CNTNAP2: variants seen among roughly 807,000 people sequenced by gnomAD.
The protein encoded by CNTNAP2 is contactin-associated protein-like 2.
A neutral mutation model predicts 155.2 loss-of-function variants in CNTNAP2; 98 were observed. The observed-to-expected ratio is 0.63, with a 90% confidence interval of 0.54 to 0.75. The LOEUF is 0.75. CNTNAP2 is among the 30% of genes least tolerant of loss of function. The pLI, the probability that CNTNAP2 is intolerant of heterozygous loss-of-function variation, is 0.00. For synonymous variants in CNTNAP2, 651 were observed against 631.2 expected, an observed-to-expected ratio of 1.03 and a Z score of -0.47; for missense variants, 1,727 against 1,688.1, an observed-to-expected ratio of 1.02 and a Z score of -0.40.
intron 18 of CNTNAP2, among the ~76,000 whole-genome samples, chr7:148,189,182 T>G (rs570940782): frequency 1.8e-4 from 27 of 152,340 alleles, no homozygotes; most frequent in African/African-American, 5.1e-4. Flanking sequence ...AGCAATGTTT[T>G]TCTTTTTTTT....
At chr7:146,830,389 G>A (rs921146809) in intron 2 of CNTNAP2, among the ~76,000 whole-genome samples, 13 of 151,980 alleles carry the variant, frequency 8.6e-5, no homozygotes, top group Non-Finnish European at 1.8e-4. Context: ...ATAGATCTGG[G>A]TGGCTGTTAC....
intron 3 of CNTNAP2, among the ~76,000 whole-genome samples, chr7:146,894,231 A>G (rs1356882226): frequency 2.0e-5 from 3 of 152,226 alleles, no homozygotes; most frequent in Admixed American, 6.5e-5. Context: ...TATGTTTCCA[A>G]TGACATAGTA....
intron 13 of CNTNAP2, among the ~76,000 whole-genome samples, chr7:147,872,641 A>G (rs1799347819): frequency 6.6e-6 from 1 of 152,358 alleles, no homozygotes; most frequent in Non-Finnish European, 1.5e-5. Flanking sequence ...AATGACATTC[A>G]AAAAGAAAGT....
At chr7:148,338,775 G>A (rs1798169055) in intron 21 of CNTNAP2, among the ~76,000 whole-genome samples, 1 of 152,104 alleles carries the variant, frequency 6.6e-6, no homozygotes, top group African/African-American at 2.4e-5. Flanking sequence ...AAAAGTGTGG[G>A]ATTTAAGGCT....
chr7:146,306,885 G>A (rs1461048046), intron 1 of CNTNAP2, among the ~76,000 whole-genome samples: 1 of 152,122 alleles, frequency 6.6e-6, no homozygotes, highest in Admixed American at 6.5e-5. Flanking sequence ...TACTGAATGG[G>A]CAAAAACTGG....
chr7:146,623,911 A>T (rs1207696064), intron 1 of CNTNAP2, among the ~76,000 whole-genome samples: 12 of 152,150 alleles, frequency 7.9e-5, no homozygotes, highest in Admixed American at 2.0e-4. Flanking sequence ...TTGTGTTCTC[A>T]CTGAGAATAA....
chr7:147,067,914 T>C (rs982056965), intron 4 of CNTNAP2, among the ~76,000 whole-genome samples: 3 of 152,180 alleles, frequency 2.0e-5, no homozygotes, highest in Non-Finnish European at 4.4e-5. Flanking sequence ...AGAACAGACA[T>C]TTATTATTTT....
intron 4 of CNTNAP2, among the ~76,000 whole-genome samples, chr7:147,087,194 G>A (rs1345756815): frequency 6.6e-6 from 1 of 151,992 alleles, no homozygotes; most frequent in Non-Finnish European, 1.5e-5. Flanking sequence ...GTTAAGTATT[G>A]TTCCCATTAT....
intron 13 of CNTNAP2, among the ~76,000 whole-genome samples, chr7:147,823,837 C>G (rs904031525): frequency 6.6e-6 from 1 of 152,018 alleles, no homozygotes; most frequent in East Asian, 1.9e-4. Context: ...TAGTAAAGTT[C>G]TCTTTTATTT....
At chr7:148,132,418 T>C (rs911888096) in intron 16 of CNTNAP2, among the ~76,000 whole-genome samples, 1 of 151,956 alleles carries the variant, frequency 6.6e-6, no homozygotes, top group Non-Finnish European at 1.5e-5. Context: ...TACTTCTCAA[T>C]TTTTAAGGGG....
At chr7:148,128,356 A>G (rs1256201961) in intron 16 of CNTNAP2, among the ~76,000 whole-genome samples, 1 of 152,226 alleles carries the variant, frequency 6.6e-6, no homozygotes, top group Non-Finnish European at 1.5e-5. Flanking sequence ...TCTCTCCCCA[A>G]AAATAAAATT....
chr7:147,215,681 T>C (rs1276615806), intron 8 of CNTNAP2, among the ~76,000 whole-genome samples: 4 of 152,204 alleles, frequency 2.6e-5, no homozygotes, highest in Non-Finnish European at 5.9e-5. Flanking sequence ...TGAACATATG[T>C]TTTCAACTCT....
In CNTNAP2 at chr7:146,182,039, A is replaced by T. The variant is rs1584790394; in HGVS notation, c.97+65066A>T. Among the ~76,000 whole-genome samples, 3 of 152,234 alleles carry T rather than the reference A, an allele frequency of 2.0e-5. No individual in the cohort carries two copies. The South Asian group carries it at 6.2e-4, about 32-fold the overall frequency. On this transcript the variant is annotated intron_variant, in intron 1 of 23. Coordinates refer to ENST00000361727, the MANE Select transcript of CNTNAP2 (RefSeq NM_014141.6). The stretch of plus-strand genomic sequence containing the variant: ...AGGTTATGTTGAAACTTATTCTAAT[A>T]ATAAAAATAGCTGCAATACAGAGTC...
At chr7:147,284,839 T>C (rs781712827) in intron 8 of CNTNAP2, among the ~76,000 whole-genome samples, 3 of 151,802 alleles carry the variant, frequency 2.0e-5, no homozygotes, top group Non-Finnish European at 4.4e-5. Context: ...CCTTGAGAGG[T>C]ACCTTTCAAG....
intron 1 of CNTNAP2, among the ~76,000 whole-genome samples, chr7:146,703,667 T>C (rs2129173814): frequency 6.6e-6 from 1 of 152,208 alleles, no homozygotes; most frequent in Non-Finnish European, 1.5e-5. Flanking sequence ...CATGTTCTCA[T>C]GTGGTAGAAG....
chr7:147,594,967 G>GA (rs1358510524), intron 12 of CNTNAP2, among the ~76,000 whole-genome samples: 7 of 151,760 alleles, frequency 4.6e-5, no homozygotes, highest in African/African-American at 1.2e-4. Flanking sequence ...TAGAATGAAG[G>GA]AAAAAAAGAA....
At chr7:146,782,323 A>G (rs148425086) in intron 2 of CNTNAP2, 1 of 152,164 alleles carries the variant, frequency 6.6e-6, no homozygotes, top group African/African-American at 2.4e-5. Flanking sequence ...TGGTTTCCTA[A>G]TGGGGCATTT....
chr7:146,648,527 A>G (rs538423019), intron 1 of CNTNAP2, among the ~76,000 whole-genome samples: 15 of 152,272 alleles, frequency 9.9e-5, no homozygotes, highest in Non-Finnish European at 1.8e-4. Flanking sequence ...TAAAAAACTA[A>G]TATTTTCTTA....
chr7:148,265,662 G>A (rs1393519277), intron 20 of CNTNAP2, among the ~76,000 whole-genome samples: 1 of 152,130 alleles, frequency 6.6e-6, no homozygotes, highest in Non-Finnish European at 1.5e-5. Context: ...AGTTTTTGGG[G>A]GTGGGGTGCT....
Sources: allele counts gnomAD v4.1 joint callset (sites outside exome capture counted in the v4.1 genomes callset), GRCh38; gene constraint gnomAD v4.1.1; transcripts MANE v1.5; gene names NCBI Gene and HGNC (gene_info 2026-07-23, HGNC 2026-07-21).